COX7B2: variants seen among roughly 807,000 people sequenced by gnomAD.
COX7B2 encodes the protein cytochrome c oxidase subunit 7B2, mitochondrial.
For synonymous variants in COX7B2, 37 were observed against 32.1 expected (o/e 1.15, Z -0.51); for missense variants, 109 against 95.9 (o/e 1.14, Z -0.57).
intron 1 of COX7B2, among the ~76,000 whole-genome samples, chr4:46,878,482 A>ATT (rs974814427): frequency 5.3e-5 from 7 of 133,020 alleles, no homozygotes; most frequent in Non-Finnish European, 1.0e-4. Context: ...AGTTAGCACT[A>ATT]TTATATATAT....
chr4:46,852,841 A>AT lies in COX7B2; in HGVS notation c.-104-7828dup, dbSNP rs151220298. Among the ~76,000 whole-genome samples, 1,449 of 152,058 alleles carry AT rather than the reference A, an allele frequency of 9.5e-3. 28 individuals carry two copies. Among genetic ancestry groups the AT allele is most frequent in the African/African-American group, 0.033 (1,381 of 41,482 alleles). On this transcript the variant is annotated intron_variant, in intron 1 of 2. Transcript: ENST00000355591. Reference sequence around the variant, plus strand: ...CCACTGGAGATCTATCTAGTGTCACATTTTTTGCTTTTCTGTGCTTTGTGT... The same window carrying AT: ...CCACTGGAGATCTATCTAGTGTCACATTTTTTTGCTTTTCTGTGCTTTGTGT...
rs1244503006 is a variant in COX7B2, at chr4:46,754,720, G to GTATA, written c.-49-19480_-49-19479insTATA. Among the ~76,000 whole-genome samples, 29 of 36,852 alleles carry GTATA rather than the reference G, an allele frequency of 7.9e-4. 1 individual carries two copies. The highest frequency in any genetic ancestry group is 2.8e-3 in the African/African-American group (21 of 7,372). The allele number at this position is 36,852 out of a possible 152,430, so 24.2% of individuals were successfully genotyped here. A position where few individuals can be genotyped will look rare whatever the true frequency, so the allele number is the denominator to read the frequency against. The stretch of plus-strand genomic sequence containing the variant: ...TACGTGTGTGTGTGTGTGTGTGTGT[G>GTATA]TGTGTGTGTATATATATATATATAT... On this transcript the variant is annotated intron_variant, in intron 2 of 2. Transcript: ENST00000355591.
intron 2 of COX7B2, among the ~76,000 whole-genome samples, chr4:46,753,873 A>T (rs1414114459): frequency 6.6e-6 from 1 of 152,178 alleles, no homozygotes; most frequent in Admixed American, 6.6e-5. Flanking sequence ...CAAGAAATAA[A>T]CAAACAACCC....
intron 2 of COX7B2, among the ~76,000 whole-genome samples, chr4:46,831,268 C>T (rs1393834226): frequency 1.3e-5 from 2 of 152,166 alleles, no homozygotes; most frequent in Non-Finnish European, 2.9e-5. Flanking sequence ...CCTTAGCTGC[C>T]TCCCCACACA....
chr4:46,887,097 A>T (rs886301452), intron 1 of COX7B2, among the ~76,000 whole-genome samples: 3 of 152,242 alleles, frequency 2.0e-5, no homozygotes, highest in Non-Finnish European at 2.9e-5. Context: ...ATAGGAAGAA[A>T]GGAAAAAAAG....
chr4:46,751,034 A>G (rs1560352024), intron 2 of COX7B2, among the ~76,000 whole-genome samples: 2 of 152,156 alleles, frequency 1.3e-5, no homozygotes, highest in African/African-American at 4.8e-5. Context: ...ATGGTCCTTG[A>G]CAACTTAATC....
chr4:46,770,517 A>G (rs1029107123), intron 2 of COX7B2, among the ~76,000 whole-genome samples: 8 of 152,172 alleles, frequency 5.3e-5, no homozygotes, highest in Non-Finnish European at 1.0e-4. Flanking sequence ...ACCATAAGAT[A>G]AAAGAATTCC....
chr4:46,831,370 C>T (rs563945970), intron 2 of COX7B2, among the ~76,000 whole-genome samples: 2 of 152,106 alleles, frequency 1.3e-5, no homozygotes, highest in African/African-American at 2.4e-5. Flanking sequence ...GCCTCCTCAA[C>T]GAGTGCCACC....
intron 1 of COX7B2, among the ~76,000 whole-genome samples, chr4:46,908,251 G>C (rs1322897328): frequency 6.6e-6 from 1 of 152,002 alleles, no homozygotes; most frequent in African/African-American, 2.4e-5. Flanking sequence ...GATCTGTAAG[G>C]CTCGTACACA....
intron 2 of COX7B2, among the ~76,000 whole-genome samples, chr4:46,840,244 G>A (rs1481946316): frequency 6.6e-6 from 1 of 151,944 alleles, no homozygotes; most frequent in Non-Finnish European, 1.5e-5. Flanking sequence ...TATCAATAAG[G>A]CAGGACTTTC....
At chr4:46,779,798 A>G (rs1717346638) in intron 2 of COX7B2, among the ~76,000 whole-genome samples, 1 of 152,192 alleles carries the variant, frequency 6.6e-6, no homozygotes, top group Admixed American at 6.5e-5. Flanking sequence ...AGGAAGCAGT[A>G]AGTAGAGTGG....
rs200987169 is a variant in COX7B2, at chr4:46,747,609, C to A, written c.-49-12368G>T. Among the ~76,000 whole-genome samples, 53 of 152,154 alleles carry A rather than the reference C, an allele frequency of 3.5e-4. No individual in the cohort carries two copies. The East Asian group carries it at 9.9e-3, about 28-fold the overall frequency. Reference sequence around the variant, plus strand: ...GAGCCACTGTGGCTGGCCTTAGCTCCCACTTATAAGTGGACTTTTCTTCAC... The same window carrying A: ...GAGCCACTGTGGCTGGCCTTAGCTCACACTTATAAGTGGACTTTTCTTCAC... On this transcript the variant is annotated intron_variant, in intron 2 of 2. Coordinates refer to ENST00000355591, the MANE Select transcript of COX7B2 (RefSeq NM_130902.3).
intron 2 of COX7B2, among the ~76,000 whole-genome samples, chr4:46,762,186 T>C (rs1716192254): frequency 1.3e-5 from 1 of 77,056 alleles, no homozygotes; most frequent in Admixed American, 1.7e-4. Flanking sequence ...ACAAAACATA[T>C]ATTGTGTATA....
intron 2 of COX7B2, among the ~76,000 whole-genome samples, chr4:46,772,429 T>C (rs1352454734): frequency 6.6e-6 from 1 of 152,130 alleles, no homozygotes; most frequent in Admixed American, 6.6e-5. Flanking sequence ...TGAGAGTAGA[T>C]CTTAAATGTT....
intron 1 of COX7B2, among the ~76,000 whole-genome samples, chr4:46,877,678 C>T (rs1331432005): frequency 6.6e-6 from 1 of 152,058 alleles, no homozygotes. Flanking sequence ...TGTGATATAC[C>T]ACCCCATACC....
Position 46,779,980 on chromosome 4 carries a change from T to C in COX7B2, c.-49-44739A>G, listed in dbSNP as rs115999424. Among the ~76,000 whole-genome samples, 1,067 of 152,314 alleles carry C rather than the reference T, an allele frequency of 7.0e-3. 5 individuals are homozygous for C. Among genetic ancestry groups the C allele is most frequent in the Non-Finnish European group, 0.012 (787 of 68,026 alleles). ...TAAGAGTAGATTTTAGATAACTATGTGAGACCATCAACATGTTAATTTGTG... is the reference window on the plus strand; with the variant it reads ...TAAGAGTAGATTTTAGATAACTATGCGAGACCATCAACATGTTAATTTGTG... On this transcript the variant is annotated intron_variant, in intron 2 of 2. Coordinates refer to ENST00000355591, the MANE Select transcript of COX7B2 (RefSeq NM_130902.3).
chr4:46,795,357 A>G (rs1208246686), intron 2 of COX7B2, among the ~76,000 whole-genome samples: 2 of 62,358 alleles, frequency 3.2e-5, no homozygotes, highest in Admixed American at 4.2e-4. Flanking sequence ...TCTTTAATCC[A>G]TCTTGAATTG....
intron 2 of COX7B2, among the ~76,000 whole-genome samples, chr4:46,751,614 T>C (rs1326793830): frequency 6.6e-6 from 1 of 152,126 alleles, no homozygotes; most frequent in Non-Finnish European, 1.5e-5. Flanking sequence ...CAAGCCTATA[T>C]ACTTGTAGTA....
At chr4:46,833,824 A>T (rs1192938767) in intron 2 of COX7B2, among the ~76,000 whole-genome samples, 2 of 152,214 alleles carry the variant, frequency 1.3e-5, no homozygotes, top group African/African-American at 4.8e-5. Flanking sequence ...TGTGCAAAAA[A>T]AATATGGAAT....
Sources: gnomAD v4.1 joint callset for allele counts (sites outside exome capture counted in the v4.1 genomes callset) on GRCh38, gnomAD v4.1.1 for gene constraint, MANE v1.5 for transcripts, NCBI Gene and HGNC (gene_info 2026-07-23, HGNC 2026-07-21) for gene names.